The following KCNG2 variants were observed in gnomAD, a reference collection of about 807,000 sequenced individuals.
The protein encoded by KCNG2 is voltage-gated potassium channel regulatory subunit KCNG2.
Under a neutral mutation model 12.3 loss-of-function variants are expected in KCNG2, and 7 were observed. The observed-to-expected ratio is 0.57, with a 90% confidence interval of 0.32 to 1.07. KCNG2 has a LOEUF of 1.07. Among genes scored for constraint, KCNG2 ranks in the 50% least tolerant of loss-of-function variants. KCNG2 has a pLI of 0.04. For missense variants in KCNG2, 703 were observed against 726.0 expected (o/e 0.97, Z 0.36); for synonymous variants, 414 against 351.4 (o/e 1.18, Z -1.99).
At chr18:79,835,767 A>G (rs1197333599) in intron 1 of KCNG2, among the ~76,000 whole-genome samples, 2 of 152,264 alleles carry the variant, frequency 1.3e-5, no homozygotes, top group Non-Finnish European at 2.9e-5. Context: ...TATTATTTAC[A>G]GATGGGATGT....
chr18:79,851,476 G>A (rs1259376410), intron 1 of KCNG2, among the ~76,000 whole-genome samples: 1 of 152,168 alleles, frequency 6.6e-6, no homozygotes, highest in Non-Finnish European at 1.5e-5. Flanking sequence ...AGCTCCGGCT[G>A]GAGCGCCTCC....
intron 3 of KCNG2, among the ~76,000 whole-genome samples, chr18:79,879,318 G>A (rs571003224): frequency 3.9e-5 from 6 of 152,318 alleles, no homozygotes; most frequent in Admixed American, 2.6e-4. Context: ...GCCACAGGGC[G>A]TCCAAGCAGC....
intron 3 of KCNG2, among the ~76,000 whole-genome samples, chr18:79,877,593 C>T (rs915666131): frequency 3.3e-5 from 5 of 152,050 alleles, no homozygotes; most frequent in South Asian, 4.2e-4. Context: ...CCGAGAGTCA[C>T]GGCACTCAGA....
intron 1 of KCNG2, among the ~76,000 whole-genome samples, chr18:79,836,078 G>A (rs1427305454): frequency 2.6e-5 from 4 of 152,194 alleles, no homozygotes; most frequent in Admixed American, 6.5e-5. Flanking sequence ...ACTAAAAAGA[G>A]ACATTGGCAG....
chr18:79,827,534 C>G (rs1392466526), intron 1 of KCNG2, among the ~76,000 whole-genome samples: 1 of 152,188 alleles, frequency 6.6e-6, no homozygotes, highest in Non-Finnish European at 1.5e-5. Flanking sequence ...CTCCAGCAGC[C>G]TGTGTTCCTG....
rs892958140 is a variant in KCNG2, at chr18:79,863,726, T to C, written c.59T>C (p.Ile20Thr). ...GGCGGGACCCGCGCCCGGCACGTCATCATCAACGTGGGCGGCTGCCGCGTG... is the reference window on the plus strand; with the variant it reads ...GGCGGGACCCGCGCCCGGCACGTCACCATCAACGTGGGCGGCTGCCGCGTG... ...GGGGTRARHV[I>T]INVGGCRVRL... The change falls in exon 3 of 4, where the codon ATC (isoleucine) becomes ACC (threonine). Residue 20 changes from isoleucine (I) to threonine (T), a missense_variant. By Grantham distance (89) the Ile-to-Thr change is moderately conservative. Coordinates refer to ENST00000316249, the MANE Select transcript of KCNG2 (RefSeq NM_012283.2). 1.4e-5 allele frequency: 17 copies of C among 1,204,864 alleles called. No homozygotes were observed. In the African/African-American group the frequency reaches 2.7e-4, roughly 19 times the overall value. The allele number at this position is 1,204,864 out of a possible 1,614,324, so 74.6% of individuals were successfully genotyped here.
At chr18:79,859,013 G>A (rs779935347) in intron 2 of KCNG2, among the ~76,000 whole-genome samples, 2 of 151,628 alleles carry the variant, frequency 1.3e-5, no homozygotes, top group African/African-American at 2.4e-5. Context: ...TTTTTCCACC[G>A]TTACTTGTCA....
intron 3 of KCNG2, among the ~76,000 whole-genome samples, chr18:79,898,817 C>T (rs76584523): frequency 1.3e-5 from 2 of 152,266 alleles, no homozygotes; most frequent in Admixed American, 6.5e-5. Context: ...GTCAGCTAAG[C>T]GCATCCGCTC....
chr18:79,866,207 G>C (rs1401642256), intron 3 of KCNG2, among the ~76,000 whole-genome samples: 1 of 148,444 alleles, frequency 6.7e-6, no homozygotes, highest in African/African-American at 2.5e-5. Context: ...TCTGCGTGCT[G>C]AGAAGTCTGT....
At chr18:79,834,936 T>C (rs994472461) in intron 1 of KCNG2, among the ~76,000 whole-genome samples, 7 of 152,190 alleles carry the variant, frequency 4.6e-5, no homozygotes, top group African/African-American at 1.7e-4. Context: ...AGTATTTCCC[T>C]CTTGTTTATA....
At chr18:79,813,181 A>C (rs916099105) in intron 1 of KCNG2, among the ~76,000 whole-genome samples, 1 of 152,218 alleles carries the variant, frequency 6.6e-6, no homozygotes, top group Non-Finnish European at 1.5e-5. Context: ...TAAATTTAAA[A>C]ATAAAAAAAG....
chr18:79,851,168 A>G (rs1978802853), intron 1 of KCNG2, among the ~76,000 whole-genome samples: 1 of 152,198 alleles, frequency 6.6e-6, no homozygotes, highest in East Asian at 1.9e-4. Context: ...GTTTATATAC[A>G]AGACAAAAAA....
At chr18:79,896,763 T>A (rs912292320) in intron 3 of KCNG2, among the ~76,000 whole-genome samples, 1 of 152,240 alleles carries the variant, frequency 6.6e-6, no homozygotes, top group African/African-American at 2.4e-5. Context: ...GTGAGGCAGG[T>A]CTGCTAGCAG....
At chr18:79,877,848 A>G (rs1980134941) in intron 3 of KCNG2, among the ~76,000 whole-genome samples, 1 of 152,232 alleles carries the variant, frequency 6.6e-6, no homozygotes, top group Non-Finnish European at 1.5e-5. Context: ...AAGGGCTCCC[A>G]GCCCACTTAG....
intron 3 of KCNG2, among the ~76,000 whole-genome samples, chr18:79,895,096 T>A (rs1299586801): frequency 1.3e-5 from 2 of 152,114 alleles, no homozygotes; most frequent in African/African-American, 4.8e-5. Flanking sequence ...TGCGTCTGTG[T>A]CTGCTTTTGA....
At chr18:79,810,203 G>A (rs1027653485) in intron 1 of KCNG2, among the ~76,000 whole-genome samples, 7 of 152,094 alleles carry the variant, frequency 4.6e-5, no homozygotes, top group African/African-American at 1.7e-4. Flanking sequence ...TAGTCTAAAG[G>A]AAAAAAATCA....
intron 1 of KCNG2, among the ~76,000 whole-genome samples, chr18:79,845,742 G>A (rs1327567890): frequency 6.6e-6 from 1 of 152,160 alleles, no homozygotes; most frequent in African/African-American, 2.4e-5. Context: ...ATACACGTGT[G>A]TATTTATGAA....
rs538013642 is a variant in KCNG2, at chr18:79,800,408, A to G, written c.-115+2394A>G. Among the ~76,000 whole-genome samples the G allele has an allele frequency of 6.6e-6, 1 of 152,320 alleles. No individual in the cohort carries two copies. Among genetic ancestry groups the G allele is most frequent in the South Asian group, 2.1e-4 (1 of 4,818 alleles). On this transcript the variant is annotated intron_variant, in intron 1 of 3. Coordinates refer to ENST00000316249, the MANE Select transcript of KCNG2 (RefSeq NM_012283.2). This position sits in a 1 kb window ranked among gnomAD's most constrained non-coding sequence, Gnocchi z 4.0. ...TTGCTGCCAGTGAGGTCGCTCAGAC[A>G]CAAACGGGTGCTGCCATCAGGTAGC...
intron 1 of KCNG2, among the ~76,000 whole-genome samples, chr18:79,833,580 C>A (rs183008180): frequency 1.3e-5 from 2 of 152,334 alleles, no homozygotes; most frequent in Admixed American, 1.3e-4. Context: ...AGAACAAAAC[C>A]TGCAAGTTTA....
Sources: allele counts gnomAD v4.1 joint callset (sites outside exome capture counted in the v4.1 genomes callset), GRCh38; gene constraint gnomAD v4.1.1; non-coding constraint Gnocchi (gnomAD v3.1); transcripts MANE v1.5; gene names NCBI Gene and HGNC (gene_info 2026-07-23, HGNC 2026-07-21).